The following ZC3H12B variants were observed in gnomAD, a reference collection of about 807,000 sequenced individuals.
ZC3H12B encodes probable ribonuclease ZC3H12B.
In ZC3H12B, 7 loss-of-function variants were observed where a neutral mutation model predicts 43.9. That is an observed-to-expected ratio of 0.16 (90% CI 0.09 to 0.30). The LOEUF is 0.30. Among genes scored for constraint, ZC3H12B ranks in the 10% least tolerant of loss-of-function variants. The pLI is 1.00. For synonymous variants in ZC3H12B, 222 were observed against 241.7 expected, an observed-to-expected ratio of 0.92 and a Z score of 0.76; for missense variants, 475 against 670.2, an observed-to-expected ratio of 0.71 and a Z score of 3.22.
At chrX:65,129,155 A>C in the ZC3H12B span, among the ~76,000 whole-genome samples, 1 of 108,178 alleles carries the variant, frequency 9.2e-6, no homozygotes, top group African/African-American at 3.4e-5. Flanking sequence ...GTACTTGAAC[A>C]TTTTTTAGAG....
the ZC3H12B span, among the ~76,000 whole-genome samples, chrX:65,050,478 T>C: frequency 9.0e-6 from 1 of 111,529 alleles, no homozygotes; most frequent in African/African-American, 3.2e-5. Context: ...GCCTTGTTCC[T>C]GATCTTAAAG....
chrX:65,226,099 G>C, the ZC3H12B span, among the ~76,000 whole-genome samples: 1 of 111,458 alleles, frequency 9.0e-6, no homozygotes, highest in African/African-American at 3.3e-5. Context: ...TGAAATGAAG[G>C]AAAAAATGTT....
chrX:65,064,993 G>A, the ZC3H12B span, among the ~76,000 whole-genome samples: 8 of 109,437 alleles, frequency 7.3e-5, no homozygotes, highest in African/African-American at 2.7e-4. Flanking sequence ...CCGTCTGCTT[G>A]GTAAATATTT....
chrX:65,451,602 A>C (rs2067513808), intron 3 of ZC3H12B, among the ~76,000 whole-genome samples: 1 of 111,089 alleles, frequency 9.0e-6, no homozygotes, highest in Non-Finnish European at 1.9e-5. Context: ...AGCCTTCCAA[A>C]GTGTTTGTAT....
the ZC3H12B span, among the ~76,000 whole-genome samples, chrX:65,194,250 G>C: frequency 1.3e-5 from 1 of 78,701 alleles, no homozygotes; most frequent in Non-Finnish European, 2.4e-5. Flanking sequence ...TCTTTGGGGT[G>C]GGGGGAGGGG....
the ZC3H12B span, among the ~76,000 whole-genome samples, chrX:65,116,928 A>G: frequency 3.6e-5 from 4 of 111,916 alleles, no homozygotes; most frequent in Non-Finnish European, 7.5e-5. Flanking sequence ...CATGGTGTAT[A>G]TGTGCCACAT....
chrX:65,335,980 T>A, the ZC3H12B span, among the ~76,000 whole-genome samples: 1 of 111,636 alleles, frequency 9.0e-6, no homozygotes, highest in African/African-American at 3.3e-5. Context: ...TGTAGCATAG[T>A]TTGTAACTGA....
chrX:65,253,830 A>G, the ZC3H12B span, among the ~76,000 whole-genome samples: 1 of 111,998 alleles, frequency 8.9e-6, no homozygotes, highest in African/African-American at 3.2e-5. Context: ...CTCCCACTGC[A>G]GCCTCCCCGA....
chrX:65,274,187 AC>A, the ZC3H12B span, among the ~76,000 whole-genome samples: 1 of 111,922 alleles, frequency 8.9e-6, no homozygotes, highest in Non-Finnish European at 1.9e-5. Flanking sequence ...GCAAACACCT[AC>A]AGTCCTTACA....
chrX:65,253,811 G>A, the ZC3H12B span, among the ~76,000 whole-genome samples: 1 of 111,998 alleles, frequency 8.9e-6, no homozygotes, highest in Non-Finnish European at 1.9e-5. Context: ...CCAGCACACT[G>A]GCATCTTTCT....
At chrX:65,507,173 A>G (rs974559868) in exon 5 of ZC3H12B, 5 of 112,114 alleles carry the variant, frequency 4.5e-5, no homozygotes, top group African/African-American at 1.6e-4. Flanking sequence ...ACTTTGTACA[A>G]ATGCCCTTTT....
chrX:65,202,072 A>T, the ZC3H12B span, among the ~76,000 whole-genome samples: 1 of 87,381 alleles, frequency 1.1e-5, no homozygotes, highest in African/African-American at 4.3e-5. Flanking sequence ...TAATATATAT[A>T]TTACATATAA....
chrX:65,159,145 T>C, the ZC3H12B span, among the ~76,000 whole-genome samples: 1 of 112,157 alleles, frequency 8.9e-6, no homozygotes, highest in African/African-American at 3.2e-5. Context: ...TCTGTTTTGG[T>C]ACCAGTACCA....
chrX:65,273,810 GA>G, the ZC3H12B span, among the ~76,000 whole-genome samples: 1,112 of 111,524 alleles, frequency 1.0e-2, 14 homozygotes, highest in African/African-American at 0.034. Flanking sequence ...ATACTGAAAG[GA>G]AAAAAAACTT....
chrX:65,283,805 A>G, the ZC3H12B span, among the ~76,000 whole-genome samples: 1 of 111,833 alleles, frequency 8.9e-6, no homozygotes, highest in Non-Finnish European at 1.9e-5. Flanking sequence ...CATTATGGAA[A>G]TTTGGGCTGT....
In ZC3H12B at chrX:65,453,359, CATATATATATATATATATATATATAT is replaced by C. The variant is rs1159840122; in HGVS notation, n.408-35267_408-35242del. 8.1e-4 allele frequency among the ~76,000 whole-genome samples: 22 copies of C among 27,175 alleles called. No homozygotes were observed. In the East Asian group the frequency reaches 0.023, roughly 28 times the overall value. 23.6% of individuals were successfully genotyped at this position (27,175 alleles called of 115,157 possible). ...CAATAATATGGAACCAGCTCAAATG[CATATATATATATATATATATATATAT>C]ATATATATATATATATATAAAATAG... On this transcript the variant is annotated intron_variant and non_coding_transcript_variant, in intron 3 of 5. Transcript: ENST00000617377.
the ZC3H12B span, among the ~76,000 whole-genome samples, chrX:65,279,037 T>C: frequency 9.0e-6 from 1 of 111,449 alleles, no homozygotes; most frequent in Non-Finnish European, 1.9e-5. Flanking sequence ...TTTAATTTAA[T>C]CTATCATTGA....
chrX:65,095,459 G>C, the ZC3H12B span, among the ~76,000 whole-genome samples: 3 of 111,103 alleles, frequency 2.7e-5, no homozygotes, highest in African/African-American at 9.8e-5. Context: ...AAATTGGAAA[G>C]AGAGAGAGGC....
chrX:65,361,868 C>T (rs1461629627), upstream of ZC3H12B, among the ~76,000 whole-genome samples: 1 of 112,079 alleles, frequency 8.9e-6, no homozygotes, highest in Non-Finnish European at 1.9e-5. Flanking sequence ...TTCTAAGTTG[C>T]AATTCCTTGC....
Sources: allele counts gnomAD v4.1 joint callset (sites outside exome capture counted in the v4.1 genomes callset), GRCh38; gene constraint gnomAD v4.1.1; transcripts MANE v1.5; gene names NCBI Gene and HGNC (gene_info 2026-07-23, HGNC 2026-07-21).